ATOSA: variants seen among roughly 807,000 people sequenced by gnomAD.
ATOSA encodes atos homolog A, also known as atos homolog protein A.
the ATOSA span, among the ~76,000 whole-genome samples, chr15:52,619,665 T>C: frequency 3.3e-5 from 5 of 151,962 alleles, no homozygotes; most frequent in African/African-American, 7.2e-5. Context: ...AAACCCTGTC[T>C]CTACTAAAAA....
At chr15:52,608,612 CTT>C in the ATOSA span, 1 of 1,606,016 alleles carries the variant, frequency 6.2e-7, no homozygotes, top group Non-Finnish European at 8.5e-7. Context: ...GACAAACAGT[CTT>C]TTATACTTCT....
the ATOSA span, among the ~76,000 whole-genome samples, chr15:52,629,380 TG>T: frequency 6.6e-6 from 1 of 152,052 alleles, no homozygotes; most frequent in African/African-American, 2.4e-5. Flanking sequence ...TAGTTTATCT[TG>T]GGGTTCACTC....
At chr15:52,613,012 T>C in the ATOSA span, among the ~76,000 whole-genome samples, 9 of 150,868 alleles carry the variant, frequency 6.0e-5, no homozygotes, top group East Asian at 1.7e-3. Flanking sequence ...AAAATAATCA[T>C]AACAACATCA....
At chr15:52,627,567 G>C in the ATOSA span, among the ~76,000 whole-genome samples, 1 of 152,072 alleles carries the variant, frequency 6.6e-6, no homozygotes, top group African/African-American at 2.4e-5. Context: ...GTTGAAGTAT[G>C]ACCAACTGAA....
the ATOSA span, among the ~76,000 whole-genome samples, chr15:52,671,045 A>G: frequency 6.6e-6 from 1 of 152,018 alleles, no homozygotes; most frequent in Non-Finnish European, 1.5e-5. Flanking sequence ...TCTCTCTCAG[A>G]AACAGCAATA....
chr15:52,611,345 C>A, the ATOSA span: 1 of 1,501,156 alleles, frequency 6.7e-7, no homozygotes, highest in Non-Finnish European at 9.0e-7. Flanking sequence ...ATAAACTTAT[C>A]ACTCAGGATT....
At chr15:52,607,822 T>G in the ATOSA span, among the ~76,000 whole-genome samples, 3 of 152,196 alleles carry the variant, frequency 2.0e-5, no homozygotes, top group Non-Finnish European at 4.4e-5. Flanking sequence ...TTCATTCTCT[T>G]GAAATTACAA....
At chr15:52,582,197 T>C in the ATOSA span, 2 of 1,593,278 alleles carry the variant, frequency 1.3e-6, no homozygotes, top group Admixed American at 1.9e-5. Context: ...TGATTCAGTG[T>C]AAGATTTGAG....
At chr15:52,673,523 T>C in the ATOSA span, among the ~76,000 whole-genome samples, 1 of 152,230 alleles carries the variant, frequency 6.6e-6, no homozygotes, top group African/African-American at 2.4e-5. Context: ...TCCTTGAGTA[T>C]CTGTGAGGAT....
chr15:52,593,450 T>C, the ATOSA span: 2 of 834,998 alleles, frequency 2.4e-6, no homozygotes, highest in South Asian at 4.7e-5. Context: ...AGGTAATATT[T>C]TGGCATATTA....
chr15:52,697,318 C>T, the ATOSA span, among the ~76,000 whole-genome samples: 1 of 152,194 alleles, frequency 6.6e-6, no homozygotes, highest in Non-Finnish European at 1.5e-5. Context: ...TGAGTTTCTC[C>T]CTCATCCTTG....
the ATOSA span, among the ~76,000 whole-genome samples, chr15:52,653,157 A>G: frequency 1.3e-5 from 2 of 152,198 alleles, no homozygotes; most frequent in Admixed American, 6.5e-5. Flanking sequence ...CAGCAGAAGC[A>G]TGCCGTTTAT....
At chr15:52,582,388 GA>G in the ATOSA span, 1 of 1,230,356 alleles carries the variant, frequency 8.1e-7, no homozygotes, top group African/African-American at 1.6e-5. Flanking sequence ...TTGAAAGTAG[GA>G]AGAACAAATC....
chr15:52,675,982 G>A, the ATOSA span, among the ~76,000 whole-genome samples: 1 of 151,674 alleles, frequency 6.6e-6, no homozygotes, highest in Non-Finnish European at 1.5e-5. Flanking sequence ...CTAGCTCAGA[G>A]ACTAAAAGCA....
the ATOSA span, chr15:52,609,321 C>G: frequency 6.2e-7 from 1 of 1,613,912 alleles, no homozygotes; most frequent in Non-Finnish European, 8.5e-7. Flanking sequence ...TATTTTTCTT[C>G]AACAAATTTT....
the ATOSA span, among the ~76,000 whole-genome samples, chr15:52,604,467 C>T: frequency 2.0e-5 from 3 of 152,170 alleles, no homozygotes; most frequent in South Asian, 4.1e-4. Context: ...GCAAATTACA[C>T]GGATTTTTAG....
the ATOSA span, chr15:52,656,154 G>A: frequency 6.6e-6 from 1 of 151,990 alleles, no homozygotes; most frequent in Admixed American, 6.6e-5. Context: ...TTTAAATAAT[G>A]TCACATTGAA....
chr15:52,678,168 C>T, the ATOSA span: 4 of 952,206 alleles, frequency 4.2e-6, no homozygotes, highest in Admixed American at 2.0e-5. Context: ...TTCTAATACC[C>T]GGACCTTGCA....
the ATOSA span, among the ~76,000 whole-genome samples, chr15:52,647,191 T>C: frequency 2.0e-5 from 3 of 152,090 alleles, no homozygotes; most frequent in Non-Finnish European, 4.4e-5. Flanking sequence ...TTCTCTTTCA[T>C]TAAGCTAACC....
Sources: gnomAD v4.1 joint callset for allele counts (sites outside exome capture counted in the v4.1 genomes callset) on GRCh38, gnomAD v4.1.1 for gene constraint, MANE v1.5 for transcripts, NCBI Gene and HGNC (gene_info 2026-07-23, HGNC 2026-07-21) for gene names.